The following CAMK2N1 variants were observed in gnomAD, a reference collection of about 807,000 sequenced individuals.
CAMK2N1 encodes the protein calcium/calmodulin dependent protein kinase II inhibitor 1, also known as calcium/calmodulin-dependent protein kinase II inhibitor 1.
A neutral mutation model predicts 6.4 loss-of-function variants in CAMK2N1; 2 were observed. The observed-to-expected ratio is 0.31, with a 90% CI of 0.13 to 0.98. The LOEUF is 0.98. Ranked by LOEUF, CAMK2N1 falls within the 50% of genes least tolerant of loss-of-function variation. The probability of loss-of-function intolerance (pLI) is 0.51; values close to 1 mark genes in which losing one functional copy is unlikely to be tolerated. For synonymous variants in CAMK2N1, 42 were observed against 47.5 expected (o/e 0.88, Z 0.47); for missense variants, 77 against 107.3 (o/e 0.72, Z 1.25).
At position 20,485,168 on chromosome 1, in the gene CAMK2N1, C is replaced by T. The variant is rs1319141639; in HGVS notation, c.166+46G>A. 1.3e-6 allele frequency: 2 copies of T among 1,551,822 alleles called. No individual in the cohort carries two copies. Among genetic ancestry groups the T allele is most frequent in the Non-Finnish European group, 8.7e-7 (1 of 1,152,592 alleles). ...ACCTCCGCAACCCTTGTTCAGGCCG[C>T]GGCGCGGGAAAAAGGGGGTGTCAGA... On this transcript the variant is annotated intron_variant, in intron 1 of 1. Coordinates refer to ENST00000375078, the MANE Select transcript of CAMK2N1 (RefSeq NM_018584.6). This position sits in a 1 kb window ranked among gnomAD's most constrained non-coding sequence, Gnocchi z 8.4.
intron 1 of CAMK2N1, 50 bp from the exon 2 acceptor site, chr1:20,483,769 G>A (rs746589136): frequency 3.9e-6 from 6 of 1,530,038 alleles, no homozygotes; most frequent in Non-Finnish European, 9.1e-7. Flanking sequence ...GGCCTAGCCA[G>A]AGGTCTCTGA....
rs1454648488 is a variant in CAMK2N1, at chr1:20,485,645, G to A, written c.-266C>T. 6.7e-6 allele frequency: 1 copy of A among 150,310 alleles called. No homozygotes were observed. Among genetic ancestry groups the A allele is most frequent in the Non-Finnish European group, 1.5e-5 (1 of 67,208 alleles). The allele number at this position is 150,310 out of a possible 1,614,324, so 9.3% of individuals were successfully genotyped here. On this transcript the variant is annotated 5_prime_UTR_variant, in exon 1 of 2. Transcript: ENST00000375078. The surrounding 1 kb of genome is among the most constrained non-coding windows in gnomAD (Gnocchi z 8.4). ...CTGCTGCTCCGCCAGAGGCGAGCAG[G>A]ACTCACATCCTCGGCGCGCTGGGGC...
Position 20,482,856 on chromosome 1 carries a change from C to CGTGTGTGTGTGTGTGT in CAMK2N1, c.*777_*792dup, listed in dbSNP as rs71010558. On this transcript the variant is annotated 3_prime_UTR_variant, in exon 2 of 2. Coordinates refer to ENST00000375078, the MANE Select transcript of CAMK2N1 (RefSeq NM_018584.6). ...CTCAAGCATTTTTTTCTTTGTTTTT[C>CGTGTGTGTGTGTGTGT]GTGTGTGTGTGTGTGTGTGTGTGTG... 77 of 146,496 alleles carry CGTGTGTGTGTGTGTGT rather than the reference C, an allele frequency of 5.3e-4. No individual in the cohort carries two copies. Among genetic ancestry groups the CGTGTGTGTGTGTGTGT allele is most frequent in the East Asian group, 3.2e-3 (16 of 4,944 alleles). The allele number at this position is 146,496 out of a possible 1,614,324, so 9.1% of individuals were successfully genotyped here.
In CAMK2N1 at chr1:20,483,715, A is replaced by T; in HGVS notation, c.171T>A (p.Val57=). 6.2e-7 allele frequency: 1 copy of T among 1,614,030 alleles called. No individual in the cohort carries two copies. The highest frequency in any genetic ancestry group is 8.5e-7 in the Non-Finnish European group (1 of 1,179,954). The change falls in exon 2 of 2, where the codon GTT becomes GTA. Residue 57 remains valine (V), a synonymous_variant. Coordinates refer to ENST00000375078, the MANE Select transcript of CAMK2N1 (RefSeq NM_018584.6). ...CGTCATCAATCCTATCATCTTCAAT[A>T]ACAACTGCAAAAAAAGGGGGGAAAA... ...LGQIGRSKRV[V]IEDDRIDDVL...
Position 20,483,277 on chromosome 1 carries a change from T to G in CAMK2N1, c.*372A>C, listed in dbSNP as rs2051483075. ...CTGGTGTTGCCGCTTCATTAAGTGGTTCAAAATCCAGATCTATAATTGCGC... is the reference window on the plus strand; with the variant it reads ...CTGGTGTTGCCGCTTCATTAAGTGGGTCAAAATCCAGATCTATAATTGCGC... On this transcript the variant is annotated 3_prime_UTR_variant, in exon 2 of 2. Transcript: ENST00000375078. 1 of 153,474 alleles carries G rather than the reference T, an allele frequency of 6.5e-6. No individual in the cohort carries two copies. Among genetic ancestry groups the G allele is most frequent in the Non-Finnish European group, 1.5e-5 (1 of 68,724 alleles). 9.5% of individuals were successfully genotyped at this position (153,474 alleles called of 1,614,324 possible). A position where few individuals can be genotyped will look rare whatever the true frequency, so the allele number is the denominator to read the frequency against.
Position 20,485,889 on chromosome 1 carries a change from A to G in CAMK2N1, c.-510T>C, listed in dbSNP as rs1570323690. ...GGGGGAGGGGAGGGAGAGAGGAGGG[A>G]GGGCACCGGGGAGGAAACCCGGAGG... is the stretch of plus-strand genomic sequence containing the variant. On this transcript the variant is annotated 5_prime_UTR_variant, in exon 1 of 2. Coordinates refer to ENST00000375078, the MANE Select transcript of CAMK2N1 (RefSeq NM_018584.6). The surrounding 1 kb of genome is among the most constrained non-coding windows in gnomAD (Gnocchi z 8.4). The G allele has an allele frequency of 2.2e-5, 1 of 44,986 alleles. No individual in the cohort carries two copies. Among genetic ancestry groups the G allele is most frequent in the Non-Finnish European group, 4.4e-5 (1 of 22,730 alleles). 2.8% of individuals were successfully genotyped at this position (44,986 alleles called of 1,614,324 possible).
rs549202584 is a variant in CAMK2N1 at position 20,484,264 on chromosome 1, T to A, written c.167-545A>T. On this transcript the variant is annotated intron_variant, in intron 1 of 1. Coordinates refer to ENST00000375078, the MANE Select transcript of CAMK2N1 (RefSeq NM_018584.6). This position sits in a 1 kb window ranked among gnomAD's most constrained non-coding sequence, Gnocchi z 6.8. ...CTCCTGCGCGCCCTCTCCCAGCCGC[T>A]GGCCGACTGACTCGGCCGCCCCGCG... The A allele has an allele frequency of 2.6e-5, 4 of 153,312 alleles. No homozygotes were observed. Among genetic ancestry groups the A allele is most frequent in the African/African-American group, 9.6e-5 (4 of 41,576 alleles). 9.5% of individuals were successfully genotyped at this position (153,312 alleles called of 1,614,324 possible).
chr1:20,485,675 G>T lies in CAMK2N1; in HGVS notation c.-296C>A. 6.6e-6 allele frequency: 1 copy of T among 151,004 alleles called. No individual in the cohort carries two copies. The highest frequency in any genetic ancestry group is 1.8e-4 in the South Asian group (1 of 5,492). The allele number at this position is 151,004 out of a possible 1,614,324, so 9.4% of individuals were successfully genotyped here. A position where few individuals can be genotyped will look rare whatever the true frequency, so the allele number is the denominator to read the frequency against. On this transcript the variant is annotated 5_prime_UTR_variant, in exon 1 of 2. Transcript: ENST00000375078. The surrounding 1 kb of genome is among the most constrained non-coding windows in gnomAD (Gnocchi z 8.4). ...ACATCCTCGGCGCGCTGGGGCTCTG[G>T]GCGGGGGCCGGGCCGGGCGGGGCCG...
Position 20,483,713 on chromosome 1 carries a change from A to G in CAMK2N1, c.173T>C (p.Ile58Thr). Residue 58 changes from isoleucine (I) to threonine (T), a missense_variant, in exon 2 of 2, where the codon ATT becomes ACT. Transcript: ENST00000375078. ...GQIGRSKRVV[I>T]EDDRIDDVLK... ...CACGTCATCAATCCTATCATCTTCAATAACAACTGCAAAAAAAGGGGGGAA... is the reference window on the plus strand; with the variant it reads ...CACGTCATCAATCCTATCATCTTCAGTAACAACTGCAAAAAAAGGGGGGAA... 6.2e-7 allele frequency: 1 copy of G among 1,614,064 alleles called. No homozygotes were observed. Among genetic ancestry groups the G allele is most frequent in the South Asian group, 1.1e-5 (1 of 91,082 alleles).
rs1477414742 is a variant in CAMK2N1 at position 20,483,542 on chromosome 1, T to C, written c.*107A>G. The C allele has an allele frequency of 1.0e-6, 1 of 963,000 alleles. No homozygotes were observed. Among genetic ancestry groups the C allele is most frequent in the African/African-American group, 1.6e-5 (1 of 62,224 alleles). The allele number at this position is 963,000 out of a possible 1,614,324, so 59.7% of individuals were successfully genotyped here. ...TACAGGTTGTTGATTTCATCGTGGG[T>C]AGCAAGCTAGTAATAAATTTCAAAG... is the stretch of plus-strand genomic sequence containing the variant. On this transcript the variant is annotated 3_prime_UTR_variant, in exon 2 of 2. Transcript: ENST00000375078.
Position 20,485,352 on chromosome 1 carries a change from C to T in CAMK2N1, c.28G>A (p.Glu10Lys), listed in dbSNP as rs370085843. The stretch of plus-strand genomic sequence containing the variant: ...CCGTCGCCGTAGGGGCTCAGCTTCT[C>T]GTCGCCGTAGGGCAGCACCTCCGAC... MSEVLPYGD[E>K]KLSPYGDGGD... Residue 10 changes from glutamate to lysine, a missense_variant, in exon 1 of 2, where the codon GAG becomes AAG. Physicochemically the swap from Glu to Lys is moderately conservative, Grantham distance 56 (BLOSUM62 1). Transcript: ENST00000375078. The surrounding 1 kb of genome is among the most constrained non-coding windows in gnomAD (Gnocchi z 8.4). The T allele has an allele frequency of 1.3e-6, 2 of 1,530,126 alleles. No homozygotes were observed. The highest frequency in any genetic ancestry group is 1.8e-6 in the Non-Finnish European group (2 of 1,139,744). The allele number at this position is 1,530,126 out of a possible 1,614,324, so 94.8% of individuals were successfully genotyped here. A position where few individuals can be genotyped will look rare whatever the true frequency, so the allele number is the denominator to read the frequency against.
rs1255072290 is a variant in CAMK2N1, at chr1:20,483,698, A to G, written c.188T>C (p.Ile63Thr). 6.2e-7 allele frequency: 1 copy of G among 1,614,020 alleles called. No individual in the cohort carries two copies. Among genetic ancestry groups the G allele is most frequent in the Non-Finnish European group, 8.5e-7 (1 of 1,180,016 alleles). Residue 63 changes from isoleucine to threonine, a missense_variant, in exon 2 of 2, where the codon ATT (isoleucine) becomes ACT (threonine). Coordinates refer to ENST00000375078, the MANE Select transcript of CAMK2N1 (RefSeq NM_018584.6). ...GGTCATATTTTTCAGCACGTCATCA[A>G]TCCTATCATCTTCAATAACAACTGC... Reference protein sequence around the residue: ...SKRVVIEDDRIDDVLKNMTDK... With the variant: ...SKRVVIEDDRTDDVLKNMTDK...
chr1:20,485,519 G>T lies in CAMK2N1; in HGVS notation c.-140C>A. ...GCTGCGGCGGTGGCGCCGGCGAGAG[G>T]CCGGGGGACGCCGCTAGGGCAAGAG... On this transcript the variant is annotated 5_prime_UTR_variant, in exon 1 of 2. Transcript: ENST00000375078. This position sits in a 1 kb window ranked among gnomAD's most constrained non-coding sequence, Gnocchi z 8.4. 1 of 442,782 alleles carries T rather than the reference G, an allele frequency of 2.3e-6. No individual in the cohort carries two copies. Among genetic ancestry groups the T allele is most frequent in the East Asian group, 1.6e-4 (1 of 6,306 alleles). The allele number at this position is 442,782 out of a possible 1,614,324, so 27.4% of individuals were successfully genotyped here.
rs2051499690 is a variant in CAMK2N1, at chr1:20,485,081, G to T, written c.166+133C>A. 1.9e-6 allele frequency: 2 copies of T among 1,054,626 alleles called. No individual in the cohort carries two copies. Among genetic ancestry groups the T allele is most frequent in the Non-Finnish European group, 2.6e-6 (2 of 774,122 alleles). 65.3% of individuals were successfully genotyped at this position (1,054,626 alleles called of 1,614,324 possible). A position where few individuals can be genotyped will look rare whatever the true frequency, so the allele number is the denominator to read the frequency against. ...CCGCTTCAGCCGGACCCGCAGTGCG[G>T]GATCCCCCAATTCTGCAAGAAGGGA... is the stretch of plus-strand genomic sequence containing the variant. On this transcript the variant is annotated intron_variant, in intron 1 of 1. Coordinates refer to ENST00000375078, the MANE Select transcript of CAMK2N1 (RefSeq NM_018584.6). The surrounding 1 kb of genome is among the most constrained non-coding windows in gnomAD (Gnocchi z 8.4).
In CAMK2N1 at chr1:20,485,066, C is replaced by T. The variant is rs1486019959; in HGVS notation, c.166+148G>A. On this transcript the variant is annotated intron_variant, in intron 1 of 1. Coordinates refer to ENST00000375078, the MANE Select transcript of CAMK2N1 (RefSeq NM_018584.6). The surrounding 1 kb of genome is among the most constrained non-coding windows in gnomAD (Gnocchi z 8.4). ...ACGCGTTCCTGCGACCCGCTTCAGC[C>T]GGACCCGCAGTGCGGGATCCCCCAA... 1.0e-6 allele frequency: 1 copy of T among 952,488 alleles called. No individual in the cohort carries two copies. Among genetic ancestry groups the T allele is most frequent in the Non-Finnish European group, 1.5e-6 (1 of 685,414 alleles). 59.0% of individuals were successfully genotyped at this position (952,488 alleles called of 1,614,324 possible).
Position 20,483,529 on chromosome 1 carries a change from A to T in CAMK2N1, c.*120T>A. On this transcript the variant is annotated 3_prime_UTR_variant, in exon 2 of 2. Coordinates refer to ENST00000375078, the MANE Select transcript of CAMK2N1 (RefSeq NM_018584.6). ...GCCTGATACCAGATACAGGTTGTTG[A>T]TTTCATCGTGGGTAGCAAGCTAGTA... 1 of 856,468 alleles carries T rather than the reference A, an allele frequency of 1.2e-6. No homozygotes were observed. The highest frequency in any genetic ancestry group is 2.5e-5 in the East Asian group (1 of 40,270). The allele number at this position is 856,468 out of a possible 1,614,324, so 53.1% of individuals were successfully genotyped here.
chr1:20,485,144 C>A lies in CAMK2N1; in HGVS notation c.166+70G>T. 1.4e-6 allele frequency: 2 copies of A among 1,480,370 alleles called. No individual in the cohort carries two copies. Among genetic ancestry groups the A allele is most frequent in the Non-Finnish European group, 1.8e-6 (2 of 1,109,802 alleles). The allele number at this position is 1,480,370 out of a possible 1,614,324, so 91.7% of individuals were successfully genotyped here. On this transcript the variant is annotated intron_variant, in intron 1 of 1. Transcript: ENST00000375078. This position sits in a 1 kb window ranked among gnomAD's most constrained non-coding sequence, Gnocchi z 8.4. ...TGAACGGGCTCCAGCGGGTGGGAGACCTCCGCAACCCTTGTTCAGGCCGCG... is the reference window on the plus strand; with the variant it reads ...TGAACGGGCTCCAGCGGGTGGGAGAACTCCGCAACCCTTGTTCAGGCCGCG...
At position 20,485,595 on chromosome 1, in the gene CAMK2N1, G is replaced by A. The variant is rs1000278214; in HGVS notation, c.-216C>T. The A allele has an allele frequency of 1.8e-4, 28 of 155,148 alleles. No individual in the cohort carries two copies. Among genetic ancestry groups the A allele is most frequent in the Non-Finnish European group, 3.0e-4 (22 of 72,520 alleles). 9.6% of individuals were successfully genotyped at this position (155,148 alleles called of 1,614,324 possible). ...AGAGCGCCCGCGGCTGCGCTGCGCT[G>A]CGCTCCGGCTCCGCGCGCGAGTGGC... is the stretch of plus-strand genomic sequence containing the variant. On this transcript the variant is annotated 5_prime_UTR_variant, in exon 1 of 2. Transcript: ENST00000375078. This position sits in a 1 kb window ranked among gnomAD's most constrained non-coding sequence, Gnocchi z 8.4.
In CAMK2N1 at chr1:20,483,737, A is replaced by G. The variant is rs549012621; in HGVS notation, c.167-18T>C. ...AATAACAACTGCAAAAAAAGGGGGGAAAAGAGAGGTGAGCGCGCTGGGGCC... is the reference window on the plus strand; with the variant it reads ...AATAACAACTGCAAAAAAAGGGGGGGAAAGAGAGGTGAGCGCGCTGGGGCC... On this transcript the variant is annotated intron_variant, in intron 1 of 1. Transcript: ENST00000375078. 3.3e-5 allele frequency: 53 copies of G among 1,611,668 alleles called. No homozygotes were observed. The East Asian group carries it at 5.4e-4, about 16-fold the overall frequency.
Sources: allele counts gnomAD v4.1 joint callset, GRCh38; gene constraint gnomAD v4.1.1; non-coding constraint Gnocchi (gnomAD v3.1); transcripts MANE v1.5; gene names NCBI Gene and HGNC (gene_info 2026-07-23, HGNC 2026-07-21).